TAFA4: variants seen among roughly 807,000 people sequenced by gnomAD.
TAFA4 encodes chemokine-like protein TAFA-4.
Under a neutral mutation model 21.1 loss-of-function variants are expected in TAFA4, and 20 were observed. The ratio of observed to expected loss-of-function variants is 0.95; its 90% confidence interval spans 0.67 to 1.38. The LOEUF (loss-of-function observed/expected upper bound fraction) is 1.38. Ranked by LOEUF, TAFA4 falls within the 40% of genes most tolerant of loss-of-function variation. The pLI is 0.00. For synonymous variants in TAFA4, 71 were observed against 67.4 expected (o/e 1.05, Z -0.26); for missense variants, 211 against 180.9 (o/e 1.17, Z -0.95).
At chr3:68,874,680 A>T (rs777804899) in intron 3 of TAFA4, among the ~76,000 whole-genome samples, 8 of 152,258 alleles carry the variant, frequency 5.3e-5, no homozygotes, top group Non-Finnish European at 8.8e-5. Context: ...TAAAGACTCA[A>T]AGAGGGAAGG....
intron 3 of TAFA4, among the ~76,000 whole-genome samples, chr3:68,817,487 T>A (rs1704008229): frequency 6.6e-6 from 1 of 152,220 alleles, no homozygotes; most frequent in Non-Finnish European, 1.5e-5. Flanking sequence ...TTCTTAGTGG[T>A]ATCTAGAATG....
Position 68,774,677 on chromosome 3 carries a change from A to ATT in TAFA4, c.131-21660_131-21659insAA, listed in dbSNP as rs1450772933. Reference sequence around the variant, plus strand: ...TATATAAAATGCTATATATCAAAATACACTCCAGGTGAATCAAGAATTTTA... The same window carrying ATT: ...TATATAAAATGCTATATATCAAAATATTCACTCCAGGTGAATCAAGAATTTTA... On this transcript the variant is annotated intron_variant, in intron 3 of 5. Transcript: ENST00000295569. 4.6e-5 allele frequency among the ~76,000 whole-genome samples: 7 copies of ATT among 152,236 alleles called. No individual in the cohort carries two copies. The East Asian group carries it at 1.3e-3, about 29-fold the overall frequency.
intron 1 of TAFA4, among the ~76,000 whole-genome samples, chr3:68,900,190 C>A (rs550729477): frequency 1.1e-3 from 171 of 149,128 alleles, no homozygotes; most frequent in African/African-American, 3.9e-3. Context: ...TGCAGTAAGC[C>A]GAGATTGCAC....
chr3:68,768,488 C>G (rs1230113867), intron 3 of TAFA4, among the ~76,000 whole-genome samples: 1 of 152,124 alleles, frequency 6.6e-6, no homozygotes, highest in African/African-American at 2.4e-5. Context: ...TGGTTATACA[C>G]TGTCAGTGGG....
intron 1 of TAFA4, among the ~76,000 whole-genome samples, chr3:68,893,626 G>A (rs1039875230): frequency 2.0e-5 from 3 of 152,156 alleles, no homozygotes; most frequent in Non-Finnish European, 2.9e-5. Context: ...GAAAAGTACA[G>A]TGTGATTTAG....
intron 1 of TAFA4, among the ~76,000 whole-genome samples, chr3:68,897,034 C>G (rs1474281719): frequency 2.6e-5 from 4 of 152,120 alleles, no homozygotes; most frequent in African/African-American, 9.7e-5. Context: ...TCCCGAGTAG[C>G]TGGGACTACA....
intron 4 of TAFA4, among the ~76,000 whole-genome samples, chr3:68,743,845 C>T (rs939390213): frequency 2.6e-5 from 4 of 152,120 alleles, no homozygotes; most frequent in African/African-American, 9.7e-5. Context: ...AGTCTTTCTA[C>T]TGTAACACAA....
At chr3:68,767,607 A>T (rs1249097883) in intron 3 of TAFA4, among the ~76,000 whole-genome samples, 2 of 152,080 alleles carry the variant, frequency 1.3e-5, no homozygotes, top group Non-Finnish European at 2.9e-5. Flanking sequence ...AGAGAGCAGT[A>T]ATTGCAACTG....
chr3:68,875,595 G>A (rs2089537826), intron 3 of TAFA4, among the ~76,000 whole-genome samples: 1 of 152,124 alleles, frequency 6.6e-6, no homozygotes, highest in South Asian at 2.1e-4. Flanking sequence ...CAGGAAGAAG[G>A]AAGATAGAGA....
chr3:68,807,083 T>G (rs554283722), intron 3 of TAFA4, among the ~76,000 whole-genome samples: 1 of 152,218 alleles, frequency 6.6e-6, no homozygotes, highest in African/African-American at 2.4e-5. Context: ...TGAAGCATGC[T>G]AACTCCTTTT....
chr3:68,785,593 A>T (rs897532793), intron 3 of TAFA4, among the ~76,000 whole-genome samples: 2 of 152,158 alleles, frequency 1.3e-5, no homozygotes, highest in African/African-American at 4.8e-5. Context: ...CCCACCTGGA[A>T]CTCGCGCTAG....
At chr3:68,921,400 T>A (rs1219490336) in intron 1 of TAFA4, among the ~76,000 whole-genome samples, 1 of 152,198 alleles carries the variant, frequency 6.6e-6, no homozygotes, top group East Asian at 1.9e-4. Context: ...TTACATGTGT[T>A]TTCTTATTCA....
chr3:68,786,676 TAATTGTGAATACCA>T (rs1222989180), intron 3 of TAFA4, among the ~76,000 whole-genome samples: 1 of 152,222 alleles, frequency 6.6e-6, no homozygotes, highest in Non-Finnish European at 1.5e-5. Flanking sequence ...TCTCAGAAGG[TAATTGTGAATACCA>T]AATGAGAAAA....
At chr3:68,772,948 T>A (rs1481462911) in intron 3 of TAFA4, among the ~76,000 whole-genome samples, 1 of 152,206 alleles carries the variant, frequency 6.6e-6, no homozygotes, top group Non-Finnish European at 1.5e-5. Flanking sequence ...TTTAAAACAA[T>A]AATTCCTTCT....
At chr3:68,849,993 A>G (rs754272956) in intron 3 of TAFA4, among the ~76,000 whole-genome samples, 2 of 152,236 alleles carry the variant, frequency 1.3e-5, no homozygotes, top group African/African-American at 2.4e-5. Flanking sequence ...ATAAAGGTAC[A>G]TATTGAGAAA....
At chr3:68,898,640 C>A (rs1395860250) in intron 1 of TAFA4, among the ~76,000 whole-genome samples, 1 of 152,076 alleles carries the variant, frequency 6.6e-6, no homozygotes, top group Admixed American at 6.6e-5. Context: ...AATGAGATTC[C>A]ATCTCAAAAA....
At chr3:68,864,747 C>G (rs2089394494) in intron 3 of TAFA4, among the ~76,000 whole-genome samples, 2 of 151,994 alleles carry the variant, frequency 1.3e-5, no homozygotes, top group Non-Finnish European at 2.9e-5. Flanking sequence ...GAATACTACT[C>G]AGCAATAAAA....
intron 5 of TAFA4, among the ~76,000 whole-genome samples, chr3:68,733,992 G>C (rs915261207): frequency 6.6e-6 from 1 of 151,864 alleles, no homozygotes; most frequent in Non-Finnish European, 1.5e-5. Flanking sequence ...CTAGTGCAGG[G>C]ACTGGAAAAC....
chr3:68,881,157 G>A (rs2089613127), intron 2 of TAFA4, among the ~76,000 whole-genome samples: 1 of 152,148 alleles, frequency 6.6e-6, no homozygotes, highest in Non-Finnish European at 1.5e-5. Context: ...TTTATACCAT[G>A]AGATGTAAAA....
Sources: gnomAD v4.1 joint callset for allele counts (sites outside exome capture counted in the v4.1 genomes callset) on GRCh38, gnomAD v4.1.1 for gene constraint, MANE v1.5 for transcripts, NCBI Gene and HGNC (gene_info 2026-07-23, HGNC 2026-07-21) for gene names.